Variants in CORO2B observed in about 807,000 individuals in gnomAD.
CORO2B encodes coronin-2B.
In CORO2B, 26 loss-of-function variants were observed where a neutral mutation model predicts 58.8. That is an observed-to-expected ratio of 0.44 (90% confidence interval 0.32 to 0.61). The LOEUF (loss-of-function observed/expected upper bound fraction) is 0.61. CORO2B is among the 20% of genes least tolerant of loss of function. The probability of loss-of-function intolerance (pLI) is 0.04; values close to 1 mark genes in which losing one functional copy is unlikely to be tolerated. For synonymous variants in CORO2B, 242 were observed against 253.8 expected (o/e 0.95, Z 0.44); for missense variants, 460 against 645.1 (o/e 0.71, Z 3.11).
intron 1 of CORO2B, among the ~76,000 whole-genome samples, chr15:68,603,932 T>C (rs1900043739): frequency 6.6e-6 from 1 of 152,134 alleles, no homozygotes; most frequent in Admixed American, 6.6e-5. Flanking sequence ...GAGTGCCATG[T>C]TGTAGAATTC....
intron 3 of CORO2B, among the ~76,000 whole-genome samples, chr15:68,698,188 C>T (rs953207935): frequency 6.6e-5 from 10 of 152,210 alleles, no homozygotes; most frequent in East Asian, 3.8e-4. Flanking sequence ...CTGGCCTGCT[C>T]GCTGCAAAGC....
chr15:68,570,639 T>C, the CORO2B span, among the ~76,000 whole-genome samples: 4 of 152,156 alleles, frequency 2.6e-5, no homozygotes, highest in African/African-American at 9.7e-5. Context: ...TCTTGTGAAG[T>C]ACAATGAAGG....
In CORO2B at chr15:68,579,156, G is replaced by A. The variant is rs1037973127; in HGVS notation, c.-107G>A. 1.7e-5 allele frequency: 17 copies of A among 980,986 alleles called. No individual in the cohort carries two copies. Among genetic ancestry groups the A allele is most frequent in the Non-Finnish European group, 2.1e-5 (17 of 828,160 alleles). The allele number at this position is 980,986 out of a possible 1,614,324, so 60.8% of individuals were successfully genotyped here. ...CTCGGCCGAGCCGCCGGCGGGGCGCGGGGAGCGAGCCGGGAGCTGCCGGAC... is the reference window on the plus strand; with the variant it reads ...CTCGGCCGAGCCGCCGGCGGGGCGCAGGGAGCGAGCCGGGAGCTGCCGGAC... On this transcript the variant is annotated 5_prime_UTR_variant, in exon 1 of 12. Coordinates refer to ENST00000261861, the MANE Select transcript of CORO2B (RefSeq NM_006091.5).
rs937102 is a variant in CORO2B, at chr15:68,710,556, A to C, written c.334-176A>C. On this transcript the variant is annotated intron_variant, in intron 3 of 11. Transcript: ENST00000261861. This position sits in a 1 kb window ranked among gnomAD's most constrained non-coding sequence, Gnocchi z 4.1. The stretch of plus-strand genomic sequence containing the variant: ...CAGAGAGATGGTCTCCTTCCTCTCC[A>C]GCCACACCCTGAGACCTCCCAGCAG... Among the ~76,000 whole-genome samples, 2,799 of 152,314 alleles carry C rather than the reference A, an allele frequency of 0.018. 79 individuals carry two copies. The highest frequency in any genetic ancestry group is 0.062 in the African/African-American group (2,587 of 41,566).
the CORO2B span, among the ~76,000 whole-genome samples, chr15:68,530,580 A>G: frequency 1.3e-5 from 2 of 152,174 alleles, no homozygotes; most frequent in East Asian, 3.8e-4. Flanking sequence ...TCCAACAATA[A>G]TTATGAATGT....
intron 2 of CORO2B, among the ~76,000 whole-genome samples, chr15:68,651,170 TG>T (rs1901627817): frequency 3.3e-5 from 5 of 152,188 alleles, no homozygotes; most frequent in Admixed American, 2.6e-4. Flanking sequence ...CTGGGGACTA[TG>T]GGACGCAGGG....
chr15:68,715,048 A>G (rs1171637168), intron 7 of CORO2B, among the ~76,000 whole-genome samples, 167 bp from the exon 8 acceptor site: 1 of 152,096 alleles, frequency 6.6e-6, no homozygotes, highest in Non-Finnish European at 1.5e-5. Context: ...ACCCGCAGTG[A>G]GTCCCCTGTG....
intron 2 of CORO2B, among the ~76,000 whole-genome samples, chr15:68,674,865 C>T (rs927113641): frequency 1.3e-5 from 2 of 152,126 alleles, no homozygotes; most frequent in Admixed American, 6.5e-5. Flanking sequence ...AGAATGAGTC[C>T]ACAGTGACCA....
rs552329969 is a variant in CORO2B, at chr15:68,718,234, G to T, written c.968-464G>T. Among the ~76,000 whole-genome samples the T allele has an allele frequency of 4.6e-5, 7 of 152,328 alleles. No homozygotes were observed. The South Asian group carries it at 1.2e-3, about 27-fold the overall frequency. Reference sequence around the variant, plus strand: ...CTTAGGCTGCGTCCAGACCTCTAGGGTGTATGGGGAATGGCCTCTCCCTCC... The same window carrying T: ...CTTAGGCTGCGTCCAGACCTCTAGGTTGTATGGGGAATGGCCTCTCCCTCC... On this transcript the variant is annotated intron_variant, in intron 8 of 11. Transcript: ENST00000261861.
At chr15:68,607,689 G>A (rs890263841) in intron 1 of CORO2B, among the ~76,000 whole-genome samples, 15 of 152,068 alleles carry the variant, frequency 9.9e-5, no homozygotes, top group Non-Finnish European at 1.6e-4. Flanking sequence ...GCAGTGATGC[G>A]TGCTTGTGGT....
rs759394054 is a variant in CORO2B, at chr15:68,725,894, G to T, written c.1363G>T (p.Glu455Ter). The change falls in exon 12 of 12, where the codon GAG becomes TAG. Residue 455 changes from glutamate (E) to a stop codon, truncating the protein, a stop_gained. Coordinates refer to ENST00000261861, the MANE Select transcript of CORO2B (RefSeq NM_006091.5). LOFTEE classifies it high-confidence loss of function. ...GGATGAGATTCGACGGTTGAAAGAG[G>T]AGCTGGCCCAGAAGGACATCCGCAT... ...QQDEIRRLKE[E>*]LAQKDIRIRQ... 6.2e-7 allele frequency: 1 copy of T among 1,614,034 alleles called. No individual in the cohort carries two copies.
Position 68,726,191 on chromosome 15 carries a change from C to A in CORO2B, c.*217C>A, listed in dbSNP as rs1383582144. Reference sequence around the variant, plus strand: ...GCTTCTGGAGACCCCCTGCCGGCAGCCCCTTTCCCTGCCACCCCAGGAGCC... The same window carrying A: ...GCTTCTGGAGACCCCCTGCCGGCAGACCCTTTCCCTGCCACCCCAGGAGCC... On this transcript the variant is annotated 3_prime_UTR_variant, in exon 12 of 12. Transcript: ENST00000261861. 3 of 562,626 alleles carry A rather than the reference C, an allele frequency of 5.3e-6. No homozygotes were observed. The highest frequency in any genetic ancestry group is 9.1e-6 in the Non-Finnish European group (3 of 330,656). 34.9% of individuals were successfully genotyped at this position (562,626 alleles called of 1,614,324 possible).
At chr15:68,609,827 G>T (rs1008892840) in intron 1 of CORO2B, among the ~76,000 whole-genome samples, 1 of 152,172 alleles carries the variant, frequency 6.6e-6, no homozygotes, top group Non-Finnish European at 1.5e-5. Flanking sequence ...TGTGAGCCGC[G>T]TCACTGACTG....
At chr15:68,626,933 A>T (rs1900697679) in intron 1 of CORO2B, among the ~76,000 whole-genome samples, 1 of 152,206 alleles carries the variant, frequency 6.6e-6, no homozygotes, top group East Asian at 1.9e-4. Flanking sequence ...TCACTGAGTC[A>T]CTCATCAATG....
the CORO2B span, among the ~76,000 whole-genome samples, chr15:68,529,608 ACT>A: frequency 0.76 from 114,793 of 151,842 alleles, 43,557 homozygotes; most frequent in East Asian, 0.9. Context: ...ACTCATGCTC[ACT>A]CTCTCTTTTT....
chr15:68,625,897 AC>A (rs1438943654), intron 1 of CORO2B, among the ~76,000 whole-genome samples: 2 of 151,586 alleles, frequency 1.3e-5, no homozygotes, highest in African/African-American at 4.8e-5. Context: ...GAGCCACCAC[AC>A]CCAGCCCAGC....
At chr15:68,665,072 A>C (rs746234301) in intron 2 of CORO2B, among the ~76,000 whole-genome samples, 1 of 152,176 alleles carries the variant, frequency 6.6e-6, no homozygotes, top group Non-Finnish European at 1.5e-5. Context: ...GATTATAAAG[A>C]AGTAACCTTT....
intron 2 of CORO2B, among the ~76,000 whole-genome samples, chr15:68,658,190 G>C (rs1450340778): frequency 6.6e-6 from 1 of 151,780 alleles, no homozygotes; most frequent in Non-Finnish European, 1.5e-5. Flanking sequence ...CTGAAACTCT[G>C]TGCTTCTCCT....
chr15:68,598,365 G>A (rs953502224), intron 1 of CORO2B, among the ~76,000 whole-genome samples: 3 of 152,240 alleles, frequency 2.0e-5, no homozygotes, highest in African/African-American at 7.2e-5. Context: ...GTAGGGGGTG[G>A]AGATAAATGG....
Sources: gnomAD v4.1 joint callset for allele counts (sites outside exome capture counted in the v4.1 genomes callset) on GRCh38, gnomAD v4.1.1 for gene constraint, Gnocchi (gnomAD v3.1) non-coding constraint, MANE v1.5 for transcripts, NCBI Gene and HGNC (gene_info 2026-07-23, HGNC 2026-07-21) for gene names.